Variants in ARHGAP28 observed in about 807,000 individuals in gnomAD.
ARHGAP28 encodes rho GTPase-activating protein 28.
A neutral mutation model predicts 90.7 loss-of-function variants in ARHGAP28; 56 were observed. That is an observed-to-expected ratio of 0.62 (90% CI 0.50 to 0.77). The LOEUF (loss-of-function observed/expected upper bound fraction) is 0.77. Among genes scored for constraint, ARHGAP28 ranks in the 30% least tolerant of loss-of-function variants. The pLI is 0.00. For missense variants in ARHGAP28, 869 were observed against 900.9 expected (o/e 0.96, Z 0.45); for synonymous variants, 308 against 323.3 (o/e 0.95, Z 0.51).
At chr18:6,778,461 A>G (rs1006505636) in intron 1 of ARHGAP28, among the ~76,000 whole-genome samples, 65 of 152,338 alleles carry the variant, frequency 4.3e-4, no homozygotes, top group African/African-American at 1.5e-3. Flanking sequence ...ATCAGAAACA[A>G]TACTGCAAGT....
intron 2 of ARHGAP28, among the ~76,000 whole-genome samples, chr18:6,828,388 G>A (rs1369357609): frequency 6.8e-6 from 1 of 147,802 alleles, no homozygotes; most frequent in East Asian, 2.1e-4. Context: ...GACAGAGGAG[G>A]AGAGAGGAGA....
chr18:6,855,468 A>T (rs1290347091), intron 4 of ARHGAP28, among the ~76,000 whole-genome samples: 2 of 152,080 alleles, frequency 1.3e-5, no homozygotes, highest in Non-Finnish European at 2.9e-5. Context: ...GGAGCTACCC[A>T]CCAGGGGTCT....
intron 9 of ARHGAP28, among the ~76,000 whole-genome samples, 174 bp downstream of exon 9, chr18:6,873,949 G>T (rs897564120): frequency 3.3e-5 from 5 of 152,178 alleles, no homozygotes. Context: ...GGCCCATGGC[G>T]CCTGGGCCAG....
At chr18:6,894,573 G>C (rs912111901) in intron 14 of ARHGAP28, among the ~76,000 whole-genome samples, 9 of 152,148 alleles carry the variant, frequency 5.9e-5, no homozygotes, top group African/African-American at 2.2e-4. Flanking sequence ...TCTCATATTG[G>C]TGAACAGTGT....
chr18:6,760,800 G>A (rs967590565), intron 1 of ARHGAP28, among the ~76,000 whole-genome samples: 3 of 152,132 alleles, frequency 2.0e-5, no homozygotes, highest in African/African-American at 7.2e-5. Flanking sequence ...GTTACAGTTA[G>A]TCTGGGTCAG....
At chr18:6,884,682 C>T (rs562945281) in intron 11 of ARHGAP28, among the ~76,000 whole-genome samples, 141 of 152,208 alleles carry the variant, frequency 9.3e-4, no homozygotes, top group African/African-American at 3.2e-3. Flanking sequence ...TTCAATCCTT[C>T]GCCGTGTTAC....
At chr18:6,830,088 A>G (rs994007226) in intron 2 of ARHGAP28, among the ~76,000 whole-genome samples, 15 of 152,136 alleles carry the variant, frequency 9.9e-5, no homozygotes, top group African/African-American at 3.6e-4. Context: ...TTCTTCTTAT[A>G]AAGATACCAG....
intron 15 of ARHGAP28, among the ~76,000 whole-genome samples, chr18:6,895,547 C>G (rs1176438762): frequency 6.6e-6 from 1 of 152,204 alleles, no homozygotes; most frequent in Non-Finnish European, 1.5e-5. Flanking sequence ...GCTTCTTGCC[C>G]CTCTCCTCAC....
intron 1 of ARHGAP28, among the ~76,000 whole-genome samples, chr18:6,802,420 A>ACTG (rs2056489047): frequency 7.6e-6 from 1 of 131,392 alleles, no homozygotes; most frequent in East Asian, 2.2e-4. Flanking sequence ...ATCTCAGCTC[A>ACTG]CTGCAACCTC....
At position 6,913,306 on chromosome 18, in the gene ARHGAP28, G is replaced by C. The variant is rs1335609603; in HGVS notation, c.*1152G>C. 1 of 152,082 alleles carries C rather than the reference G, an allele frequency of 6.6e-6. No individual in the cohort carries two copies. The highest frequency in any genetic ancestry group is 1.5e-5 in the Non-Finnish European group (1 of 68,034). The allele number at this position is 152,082 out of a possible 1,614,324, so 9.4% of individuals were successfully genotyped here. A position where few individuals can be genotyped will look rare whatever the true frequency, so the allele number is the denominator to read the frequency against. ...CACATAGTCCCCACGTTTCTAATTT[G>C]GAGCAAATCTAAAAGGTGCTGAGGG... is the stretch of plus-strand genomic sequence containing the variant. On this transcript the variant is annotated 3_prime_UTR_variant, in exon 18 of 18. Coordinates refer to ENST00000383472, the MANE Select transcript of ARHGAP28 (RefSeq NM_001366230.1).
At chr18:6,803,766 CTTATTT>C (rs959487510) in intron 1 of ARHGAP28, among the ~76,000 whole-genome samples, 2 of 151,704 alleles carry the variant, frequency 1.3e-5, no homozygotes, top group African/African-American at 4.8e-5. Context: ...ATTTTTATTT[CTTATTT>C]TTATTTTTAT....
In ARHGAP28 at chr18:6,824,982, TCTTCCTATGTGCTGACTGG is replaced by T; in HGVS notation, c.325+22_325+40del. On this transcript the variant is annotated intron_variant, in intron 2 of 17. Coordinates refer to ENST00000383472, the MANE Select transcript of ARHGAP28 (RefSeq NM_001366230.1). ...TGTGGATGGTAAGTTGCTGGATTTG[TCTTCCTATGTGCTGACTGG>T]CTTTCTTTCTCTGCCCTCTGTTACT... 1 of 1,524,420 alleles carries T rather than the reference TCTTCCTATGTGCTGACTGG, an allele frequency of 6.6e-7. No homozygotes were observed. The highest frequency in any genetic ancestry group is 8.8e-7 in the Non-Finnish European group (1 of 1,140,914). The allele number at this position is 1,524,420 out of a possible 1,614,324, so 94.4% of individuals were successfully genotyped here.
At chr18:6,841,091 C>T (rs2056804433) in intron 3 of ARHGAP28, among the ~76,000 whole-genome samples, 2 of 150,576 alleles carry the variant, frequency 1.3e-5, no homozygotes, top group African/African-American at 4.9e-5. Context: ...TGTTCCTCCT[C>T]CTGTCCTGTG....
intron 16 of ARHGAP28, among the ~76,000 whole-genome samples, chr18:6,907,894 C>CA (rs2057372749): frequency 1.3e-5 from 2 of 152,000 alleles, no homozygotes; most frequent in Admixed American, 6.6e-5. Flanking sequence ...TTCAATTAAA[C>CA]AAAAAACAAC....
chr18:6,898,721 A>G (rs1263078939), intron 16 of ARHGAP28: 1 of 1,371,736 alleles, frequency 7.3e-7, no homozygotes, highest in Non-Finnish European at 9.4e-7. Context: ...ATTAGAACTA[A>G]TGACTGCAGA....
chr18:6,813,444 C>T (rs2056570272), intron 1 of ARHGAP28, among the ~76,000 whole-genome samples: 1 of 152,124 alleles, frequency 6.6e-6, no homozygotes, highest in African/African-American at 2.4e-5. Flanking sequence ...TTTTAGAGAG[C>T]TTTACATACA....
rs2056984595 is a variant in ARHGAP28 at position 6,859,910 on chromosome 18, T to C, written c.726+13T>C. The stretch of plus-strand genomic sequence containing the variant: ...GAGTGACTCTGTGGTAAGTCATCCA[T>C]GTCAGCACAGTTACATGTCAAGGTA... On this transcript the variant is annotated intron_variant, in intron 5 of 17. Transcript: ENST00000383472. 1.2e-6 allele frequency: 2 copies of C among 1,610,058 alleles called. No homozygotes were observed. Among genetic ancestry groups the C allele is most frequent in the Non-Finnish European group, 1.7e-6 (2 of 1,176,466 alleles).
At chr18:6,882,484 T>G (rs1264779393) in intron 11 of ARHGAP28, 185 bp downstream of exon 11, 22 of 472,168 alleles carry the variant, frequency 4.7e-5, no homozygotes, top group Non-Finnish European at 7.4e-5. Flanking sequence ...AAGCCTGGTT[T>G]AGGGTTTTAT....
chr18:6,762,911 A>T (rs546307059), intron 1 of ARHGAP28, among the ~76,000 whole-genome samples: 1 of 152,288 alleles, frequency 6.6e-6, no homozygotes, highest in South Asian at 2.1e-4. Context: ...ACGCACAATG[A>T]ATTCACTTCC....
Sources: allele counts gnomAD v4.1 joint callset (sites outside exome capture counted in the v4.1 genomes callset), GRCh38; gene constraint gnomAD v4.1.1; transcripts MANE v1.5; gene names NCBI Gene and HGNC (gene_info 2026-07-23, HGNC 2026-07-21).